Variants in ORC5 observed in about 807,000 individuals in gnomAD.
ORC5 encodes origin recognition complex subunit 5.
A neutral mutation model predicts 58.8 loss-of-function variants in ORC5; 39 were observed. The ratio of observed to expected loss-of-function variants is 0.66; its 90% CI spans 0.51 to 0.87. The LOEUF is 0.87. ORC5 is among the 40% of genes least tolerant of loss of function. The pLI is 0.00. For missense variants in ORC5, 493 were observed against 506.3 expected, an observed-to-expected ratio of 0.97 and a Z score of 0.25; for synonymous variants, 218 against 177.6, an observed-to-expected ratio of 1.23 and a Z score of -1.81.
chr7:104,202,601 AC>A, intron 2 of ORC5: 2 of 436,830 alleles, frequency 4.6e-6, no homozygotes, highest in South Asian at 3.3e-5. Context: ...AACAGCAGAA[AC>A]TACAGTGTGA....
chr7:104,198,189 T>C (rs1799847496), intron 3 of ORC5, among the ~76,000 whole-genome samples: 1 of 152,220 alleles, frequency 6.6e-6, no homozygotes, highest in Non-Finnish European at 1.5e-5. Context: ...GTCTTTTCTT[T>C]ATAAATTACC....
intron 5 of ORC5, among the ~76,000 whole-genome samples, chr7:104,189,013 CCTTTT>C (rs940691277): frequency 6.6e-6 from 1 of 152,032 alleles, no homozygotes; most frequent in Non-Finnish European, 1.5e-5. Context: ...GTCTATTAAA[CCTTTT>C]CTTTATAAAT....
intron 5 of ORC5, among the ~76,000 whole-genome samples, chr7:104,192,763 A>C (rs992623331): frequency 1.3e-5 from 2 of 152,072 alleles, no homozygotes; most frequent in East Asian, 3.8e-4. Flanking sequence ...AACTATCATA[A>C]GTATGCTCAT....
intron 12 of ORC5, among the ~76,000 whole-genome samples, chr7:104,153,304 G>A (rs1385025587): frequency 6.6e-6 from 1 of 152,122 alleles, no homozygotes; most frequent in East Asian, 1.9e-4. Context: ...CACACCAGGG[G>A]TAGTAGGAGA....
intron 5 of ORC5, among the ~76,000 whole-genome samples, chr7:104,189,774 C>T (rs12705193): frequency 0.43 from 64,600 of 151,892 alleles, 16,068 homozygotes; most frequent in Non-Finnish European, 0.57. Flanking sequence ...CATTTGTATC[C>T]TTTATGATAA....
At chr7:104,187,437 CTTTT>C (rs1799572952) in intron 6 of ORC5, 1 of 152,118 alleles carries the variant, frequency 6.6e-6, no homozygotes, top group Non-Finnish European at 1.5e-5. Context: ...CTAAGTAATA[CTTTT>C]CAGGGCAAAA....
chr7:104,201,008 A>C (rs920468896), intron 2 of ORC5, 50 bp from the exon 3 acceptor site: 3 of 1,460,146 alleles, frequency 2.1e-6, no homozygotes, highest in Non-Finnish European at 2.8e-6. Context: ...ACACACAAAC[A>C]CAATAATGGC....
At chr7:104,199,631 A>G (rs1168195002) in intron 3 of ORC5, among the ~76,000 whole-genome samples, 2 of 152,244 alleles carry the variant, frequency 1.3e-5, no homozygotes, top group African/African-American at 4.8e-5. Context: ...GTATCTAGAA[A>G]GTAACTAACT....
At chr7:104,141,664 T>C (rs915864749) in intron 12 of ORC5, among the ~76,000 whole-genome samples, 4 of 152,086 alleles carry the variant, frequency 2.6e-5, no homozygotes, top group Non-Finnish European at 5.9e-5. Context: ...TCAACAAACA[T>C]GTCTATACAC....
At chr7:104,158,253 TG>T (rs1245917316) in intron 12 of ORC5, among the ~76,000 whole-genome samples, 1 of 152,164 alleles carries the variant, frequency 6.6e-6, no homozygotes, top group Non-Finnish European at 1.5e-5. Context: ...TAAATGGTGC[TG>T]GGAAAACTGG....
At chr7:104,167,160 C>T (rs1175282407) in intron 9 of ORC5, among the ~76,000 whole-genome samples, 10 of 152,130 alleles carry the variant, frequency 6.6e-5, no homozygotes, top group Admixed American at 6.5e-4. Context: ...CTCCATTAAA[C>T]CCCTGGTGTT....
At chr7:104,175,708 T>C (rs1361210974) in intron 8 of ORC5, among the ~76,000 whole-genome samples, 2 of 152,196 alleles carry the variant, frequency 1.3e-5, no homozygotes, top group Non-Finnish European at 2.9e-5. Context: ...AATGGCTTTG[T>C]CTGCCATGCA....
At position 104,136,993 on chromosome 7, in the gene ORC5, CA is replaced by C; in HGVS notation, c.1150-101del. On this transcript the variant is annotated intron_variant, in intron 12 of 13. Coordinates refer to ENST00000297431, the MANE Select transcript of ORC5 (RefSeq NM_002553.4). The surrounding 1 kb of genome is among the most constrained non-coding windows in gnomAD (Gnocchi z 4.2). ...GTCTGATAAAGATACATAACTGAAT[CA>C]CAAAAAACGTCTGCAAAGAAAATGA... 1.3e-6 allele frequency: 1 copy of C among 759,412 alleles called. No individual in the cohort carries two copies. Among genetic ancestry groups the C allele is most frequent in the Non-Finnish European group, 2.2e-6 (1 of 461,052 alleles). The allele number at this position is 759,412 out of a possible 1,614,324, so 47.0% of individuals were successfully genotyped here.
intron 4 of ORC5, among the ~76,000 whole-genome samples, chr7:104,196,469 C>T (rs1402463455): frequency 6.6e-6 from 1 of 152,150 alleles, no homozygotes; most frequent in East Asian, 1.9e-4. Context: ...AGGTTAACTT[C>T]CAGAATAGGC....
At chr7:104,206,933 T>C (rs1800101354) in intron 1 of ORC5, among the ~76,000 whole-genome samples, 2 of 152,200 alleles carry the variant, frequency 1.3e-5, no homozygotes, top group South Asian at 4.1e-4. Context: ...GGCTACACCA[T>C]CTAGGTTTGT....
intron 5 of ORC5, among the ~76,000 whole-genome samples, chr7:104,192,028 A>G (rs1799688082): frequency 6.6e-6 from 1 of 152,162 alleles, no homozygotes; most frequent in African/African-American, 2.4e-5. Flanking sequence ...AGAAAAGGTA[A>G]ACAAATAAGG....
At chr7:104,177,849 G>T (rs1194482248) in intron 8 of ORC5, among the ~76,000 whole-genome samples, 4 of 152,156 alleles carry the variant, frequency 2.6e-5, no homozygotes, top group Non-Finnish European at 5.9e-5. Flanking sequence ...ATGTTAGTTT[G>T]CTGAGAATGA....
chr7:104,173,216 C>T (rs909863979), intron 8 of ORC5, among the ~76,000 whole-genome samples: 4 of 152,166 alleles, frequency 2.6e-5, no homozygotes, highest in East Asian at 1.9e-4. Flanking sequence ...TGTCAAACTC[C>T]GAACTGGTAC....
Position 104,200,888 on chromosome 7 carries a change from T to C in ORC5, c.236A>G (p.Lys79Arg). 6.2e-7 allele frequency: 1 copy of C among 1,613,718 alleles called. No homozygotes were observed. The highest frequency in any genetic ancestry group is 8.5e-7 in the Non-Finnish European group (1 of 1,179,662). Reference protein sequence around the residue: ...LRLLLEQILNKLNHLSSSEDG... With the variant: ...LRLLLEQILNRLNHLSSSEDG... ...CTCTGAAGAACTAAGATGATTCAAT[T>C]TGTTTAAAATTTGTTCCAAAAGCAG... Residue 79 changes from lysine to arginine, a missense_variant, in exon 3 of 14, where the codon AAA becomes AGA. Coordinates refer to ENST00000297431, the MANE Select transcript of ORC5 (RefSeq NM_002553.4).
Sources: gnomAD v4.1 joint callset for allele counts (sites outside exome capture counted in the v4.1 genomes callset) on GRCh38, gnomAD v4.1.1 for gene constraint, Gnocchi (gnomAD v3.1) non-coding constraint, MANE v1.5 for transcripts, NCBI Gene and HGNC (gene_info 2026-07-23, HGNC 2026-07-21) for gene names.